CDH13: variants seen among roughly 807,000 people sequenced by gnomAD.
CDH13 encodes the protein cadherin 13, also known as cadherin-13.
CDH13 carries 24 observed loss-of-function variants against 63.8 expected under a neutral mutation model. That is an observed-to-expected ratio of 0.38 (90% confidence interval 0.27 to 0.53). The LOEUF (loss-of-function observed/expected upper bound fraction) is 0.53. Among genes scored for constraint, CDH13 ranks in the 20% least tolerant of loss-of-function variants. CDH13 has a pLI of 0.85. For missense variants in CDH13, 1,049 were observed against 903.1 expected (o/e 1.16, Z -2.07); for synonymous variants, 503 against 355.3 (o/e 1.42, Z -4.67).
intron 2 of CDH13, among the ~76,000 whole-genome samples, chr16:82,868,894 G>C (rs2040247429): frequency 6.6e-6 from 1 of 152,138 alleles, no homozygotes; most frequent in African/African-American, 2.4e-5. Flanking sequence ...TACCAACTAA[G>C]TAACTTTGGC....
intron 2 of CDH13, among the ~76,000 whole-genome samples, chr16:82,998,343 CA>C (rs1912477156): frequency 6.6e-6 from 1 of 152,110 alleles, no homozygotes; most frequent in African/African-American, 2.4e-5. Flanking sequence ...AAGAACATAG[CA>C]AAAAAGCATT....
At chr16:83,775,269 G>A (rs1915029633) in intron 11 of CDH13, among the ~76,000 whole-genome samples, 1 of 151,782 alleles carries the variant, frequency 6.6e-6, no homozygotes, top group Non-Finnish European at 1.5e-5. Flanking sequence ...CAATCTGCGT[G>A]TCTGTGGACT....
intron 7 of CDH13, among the ~76,000 whole-genome samples, chr16:83,522,388 G>GT (rs1198975350): frequency 1.2e-4 from 18 of 152,188 alleles, no homozygotes; most frequent in Non-Finnish European, 2.9e-5. Context: ...AGTATATGAG[G>GT]TAAGGCATAT....
chr16:83,710,405 T>C (rs940773636), intron 10 of CDH13: 12 of 152,212 alleles, frequency 7.9e-5, no homozygotes, highest in Non-Finnish European at 1.5e-4. Flanking sequence ...TTATGACTGC[T>C]AGAAAAGCTA....
Position 83,217,389 on chromosome 16 carries a change from T to C in CDH13, c.528T>C (p.Thr176=). 6.2e-7 allele frequency: 1 copy of C among 1,613,868 alleles called. No individual in the cohort carries two copies. The highest frequency in any genetic ancestry group is 8.5e-7 in the Non-Finnish European group (1 of 1,179,808). ...CAGAAAGGTCCAAGTTCCGGCTCAC[T>C]GGAAAGGGAGTGGATCAAGAGCCTA... is the stretch of plus-strand genomic sequence containing the variant. ...DRPERSKFRL[T]GKGVDQEPKG... Residue 176 remains threonine (T), a synonymous_variant, in exon 5 of 14, where the codon ACT becomes ACC. Transcript: ENST00000567109.
chr16:82,798,069 G>A (rs1276611321), intron 1 of CDH13, among the ~76,000 whole-genome samples: 1 of 152,168 alleles, frequency 6.6e-6, no homozygotes, highest in East Asian at 1.9e-4. Flanking sequence ...AAACTTTGAT[G>A]ACTAAACTAA....
intron 4 of CDH13, among the ~76,000 whole-genome samples, chr16:83,214,579 C>CAAGAAAAAA (rs2039439052): frequency 2.5e-5 from 1 of 39,780 alleles, no homozygotes; most frequent in African/African-American, 8.8e-5. Flanking sequence ...GACTCTGTCT[C>CAAGAAAAAA]AAAAAAAAAA....
intron 5 of CDH13, among the ~76,000 whole-genome samples, chr16:83,289,048 C>G (rs1449348862): frequency 6.6e-6 from 1 of 152,176 alleles, no homozygotes; most frequent in Non-Finnish European, 1.5e-5. Flanking sequence ...TGTGAAACTC[C>G]TACATTCACC....
intron 2 of CDH13, among the ~76,000 whole-genome samples, chr16:82,915,064 T>G (rs530076497): frequency 1.3e-5 from 2 of 152,342 alleles, no homozygotes; most frequent in East Asian, 3.9e-4. Flanking sequence ...AATATCCTGT[T>G]GCCTTTTTGA....
chr16:83,221,616 T>A (rs879715999), intron 5 of CDH13, among the ~76,000 whole-genome samples: 30 of 107,800 alleles, frequency 2.8e-4, no homozygotes, highest in Non-Finnish European at 4.8e-4. Flanking sequence ...ATGACGGGAG[T>A]GGAGTGGGAG....
At chr16:83,038,737 C>G (rs182767973) in intron 3 of CDH13, among the ~76,000 whole-genome samples, 1 of 152,188 alleles carries the variant, frequency 6.6e-6, no homozygotes, top group Admixed American at 6.5e-5. Flanking sequence ...TCGTTCCTCA[C>G]GCAGAAATGT....
At chr16:82,917,280 C>G (rs2042019649) in intron 2 of CDH13, among the ~76,000 whole-genome samples, 1 of 152,066 alleles carries the variant, frequency 6.6e-6, no homozygotes, top group African/African-American at 2.4e-5. Context: ...TTGGGTGGGT[C>G]CAATGGAAGA....
chr16:83,781,135 C>A (rs147870762), intron 12 of CDH13, among the ~76,000 whole-genome samples: 122 of 152,196 alleles, frequency 8.0e-4, no homozygotes, highest in African/African-American at 2.8e-3. Context: ...AGCAATGTCT[C>A]CTCCCACAAG....
At chr16:83,056,940 T>G (rs1038868155) in intron 3 of CDH13, among the ~76,000 whole-genome samples, 2 of 151,972 alleles carry the variant, frequency 1.3e-5, no homozygotes, top group Admixed American at 6.6e-5. Flanking sequence ...GAACTGTGAG[T>G]CCATTAAACC....
chr16:83,150,637 A>G (rs961325573), intron 4 of CDH13, among the ~76,000 whole-genome samples: 1 of 152,130 alleles, frequency 6.6e-6, no homozygotes, highest in Non-Finnish European at 1.5e-5. Context: ...GTCCTTATAG[A>G]GCGTTTTTTA....
At chr16:82,911,843 T>C (rs2041841558) in intron 2 of CDH13, among the ~76,000 whole-genome samples, 1 of 151,968 alleles carries the variant, frequency 6.6e-6, no homozygotes, top group Admixed American at 6.5e-5. Flanking sequence ...GCCCCGTGAG[T>C]GGCTGTTTTG....
intron 2 of CDH13, among the ~76,000 whole-genome samples, chr16:82,978,245 A>G (rs529586107): frequency 1.6e-4 from 24 of 152,388 alleles, no homozygotes; most frequent in African/African-American, 5.5e-4. Flanking sequence ...GAAGCAGAAC[A>G]TAAAAGTTCA....
At chr16:83,793,415 C>G (rs1308295702) in intron 13 of CDH13, among the ~76,000 whole-genome samples, 2 of 152,210 alleles carry the variant, frequency 1.3e-5, no homozygotes, top group African/African-American at 2.4e-5. Context: ...AGCCCCGCAG[C>G]TGGCCATAAG....
intron 2 of CDH13, among the ~76,000 whole-genome samples, chr16:82,861,841 A>C (rs770745413): frequency 1.3e-5 from 2 of 152,188 alleles, no homozygotes; most frequent in Non-Finnish European, 2.9e-5. Flanking sequence ...ATTTCTTCTA[A>C]CGTAACCAGT....
Sources: allele counts gnomAD v4.1 joint callset (sites outside exome capture counted in the v4.1 genomes callset), GRCh38; gene constraint gnomAD v4.1.1; transcripts MANE v1.5; gene names NCBI Gene and HGNC (gene_info 2026-07-23, HGNC 2026-07-21).